The following KCNIP4 variants were observed in gnomAD, a reference collection of about 807,000 sequenced individuals.
KCNIP4 encodes the protein potassium voltage-gated channel interacting protein 4.
A neutral mutation model predicts 34.0 loss-of-function variants in KCNIP4; 12 were observed. That is an observed-to-expected ratio of 0.35 (90% CI 0.23 to 0.57). KCNIP4 has a LOEUF of 0.57. KCNIP4 is among the 20% of genes least tolerant of loss of function. The pLI is 0.83. For synonymous variants in KCNIP4, 124 were observed against 102.2 expected, an observed-to-expected ratio of 1.21 and a Z score of -1.29; for missense variants, 238 against 311.7, an observed-to-expected ratio of 0.76 and a Z score of 1.78.
At chr4:21,589,719 AAGTG>A (rs961676007) in intron 1 of KCNIP4, among the ~76,000 whole-genome samples, 16 of 152,028 alleles carry the variant, frequency 1.1e-4, no homozygotes, top group African/African-American at 3.9e-4. Flanking sequence ...CACTCTTCAC[AAGTG>A]AGTAATAACT....
At chr4:21,531,003 T>A (rs974068202) in intron 1 of KCNIP4, among the ~76,000 whole-genome samples, 4 of 152,154 alleles carry the variant, frequency 2.6e-5, no homozygotes, top group African/African-American at 9.7e-5. Context: ...TATATCCAGA[T>A]CCAATGTTCA....
chr4:21,883,216 G>A (rs1276957681), intron 1 of KCNIP4, among the ~76,000 whole-genome samples: 1 of 147,968 alleles, frequency 6.8e-6, no homozygotes, highest in East Asian at 2.1e-4. Context: ...GGCAATCACA[G>A]CTCACTGCAG....
intron 1 of KCNIP4, among the ~76,000 whole-genome samples, chr4:21,873,797 T>C (rs1725943660): frequency 6.6e-6 from 1 of 152,224 alleles, no homozygotes; most frequent in Non-Finnish European, 1.5e-5. Flanking sequence ...ATAGGTCTTG[T>C]AGGAGTAATC....
chr4:20,870,060 A>C (rs1156531488), intron 2 of KCNIP4, among the ~76,000 whole-genome samples: 2 of 152,154 alleles, frequency 1.3e-5, no homozygotes, highest in Non-Finnish European at 2.9e-5. Context: ...CTTTGAGATA[A>C]GTATGATTTT....
chr4:21,556,930 A>AAAAAAAAACAAAAACAAAAC (rs71191520), intron 1 of KCNIP4, among the ~76,000 whole-genome samples: 1 of 108,194 alleles, frequency 9.2e-6, no homozygotes, highest in Non-Finnish European at 2.0e-5. Context: ...CAGAAAAAAA[A>AAAAAAAAACAAAAACAAAAC]AAAAAAAAAA....
intron 5 of KCNIP4, among the ~76,000 whole-genome samples, chr4:20,736,073 T>C (rs1205556894): frequency 6.6e-6 from 1 of 152,236 alleles, no homozygotes; most frequent in Admixed American, 6.5e-5. Context: ...ATTTAAAAAT[T>C]GTGTAAGCTG....
intron 1 of KCNIP4, among the ~76,000 whole-genome samples, chr4:21,895,852 A>C (rs1560794480): frequency 6.6e-6 from 1 of 152,092 alleles, no homozygotes; most frequent in Non-Finnish European, 1.5e-5. Context: ...ATCCAATAAG[A>C]CTCAGATTGA....
At chr4:20,938,401 T>A (rs1191864021) in intron 1 of KCNIP4, among the ~76,000 whole-genome samples, 1 of 152,188 alleles carries the variant, frequency 6.6e-6, no homozygotes, top group Non-Finnish European at 1.5e-5. Context: ...CACCTCTTAA[T>A]AACCTGGGTC....
At chr4:21,322,101 AGAG>A (rs1714547171) in intron 1 of KCNIP4, among the ~76,000 whole-genome samples, 1 of 130,274 alleles carries the variant, frequency 7.7e-6, no homozygotes, top group African/African-American at 2.9e-5. Context: ...AAGGAGAAAA[AGAG>A]GAAGGGAAGG....
intron 1 of KCNIP4, among the ~76,000 whole-genome samples, chr4:21,185,061 C>T (rs1460056182): frequency 6.6e-6 from 1 of 152,092 alleles, no homozygotes; most frequent in African/African-American, 2.4e-5. Flanking sequence ...CAAAAAAATT[C>T]CTACGTATAA....
intron 1 of KCNIP4, among the ~76,000 whole-genome samples, chr4:21,767,676 T>C (rs777338233): frequency 1.3e-5 from 2 of 150,094 alleles, no homozygotes; most frequent in African/African-American, 4.8e-5. Context: ...TCCTGAAATA[T>C]ATAAAACGTT....
chr4:20,800,768 A>G (rs1044656332), intron 3 of KCNIP4, among the ~76,000 whole-genome samples: 1 of 152,194 alleles, frequency 6.6e-6, no homozygotes, highest in African/African-American at 2.4e-5. Context: ...AAAAGAGTGA[A>G]GATATTCTTT....
In KCNIP4 at chr4:21,418,277, G is replaced by A. The variant is rs139959807; in HGVS notation, c.61+530294C>T. Among the ~76,000 whole-genome samples the A allele has an allele frequency of 7.9e-3, 1,198 of 152,128 alleles. 24 individuals carry two copies. The highest frequency in any genetic ancestry group is 0.026 in the African/African-American group (1,097 of 41,504). Reference sequence around the variant, plus strand: ...CGTGCCTTATGCCCAAACACCTCCCGGGCAGTGCAGTAAGAACCAGATCTC... The same window carrying A: ...CGTGCCTTATGCCCAAACACCTCCCAGGCAGTGCAGTAAGAACCAGATCTC... On this transcript the variant is annotated intron_variant, in intron 1 of 8. Coordinates refer to ENST00000382152, the MANE Select transcript of KCNIP4 (RefSeq NM_025221.6).
At chr4:21,935,964 A>ATATATG (rs1729841450) in intron 1 of KCNIP4, among the ~76,000 whole-genome samples, 1 of 146,230 alleles carries the variant, frequency 6.8e-6, no homozygotes, top group African/African-American at 2.7e-5. Context: ...AATGAAGATT[A>ATATATG]TATATATATA....
chr4:21,586,317 A>G (rs1446639962), intron 1 of KCNIP4, among the ~76,000 whole-genome samples: 1 of 152,104 alleles, frequency 6.6e-6, no homozygotes, highest in African/African-American at 2.4e-5. Context: ...CTACATATCC[A>G]GAGTCTGGCT....
At chr4:21,153,515 G>GTA (rs59614946) in intron 1 of KCNIP4, among the ~76,000 whole-genome samples, 9,382 of 140,586 alleles carry the variant, frequency 0.067, 368 homozygotes, top group Non-Finnish European at 0.085. Flanking sequence ...ATGTGTGTGT[G>GTA]TATATATATA....
At chr4:20,781,293 T>C (rs1413525991) in intron 3 of KCNIP4, among the ~76,000 whole-genome samples, 1 of 152,230 alleles carries the variant, frequency 6.6e-6, no homozygotes, top group Non-Finnish European at 1.5e-5. Context: ...ATCTATTCAC[T>C]AGATCTCTAT....
chr4:21,431,802 T>C (rs899149687), intron 1 of KCNIP4, among the ~76,000 whole-genome samples: 8 of 151,728 alleles, frequency 5.3e-5, no homozygotes, highest in African/African-American at 1.9e-4. Context: ...GACAGATTAG[T>C]GTCCACGAAC....
intron 1 of KCNIP4, among the ~76,000 whole-genome samples, chr4:21,083,413 C>T (rs981045076): frequency 1.3e-5 from 2 of 151,726 alleles, no homozygotes; most frequent in Admixed American, 6.6e-5. Context: ...TATTTGCACA[C>T]CTGATGAAAT....
Sources: allele counts gnomAD v4.1 joint callset (sites outside exome capture counted in the v4.1 genomes callset), GRCh38; gene constraint gnomAD v4.1.1; transcripts MANE v1.5; gene names NCBI Gene and HGNC (gene_info 2026-07-23, HGNC 2026-07-21).